Variants in ASL observed in about 807,000 individuals in gnomAD.
ASL encodes argininosuccinase.
ASL carries 51 observed loss-of-function variants against 69.1 expected under a neutral mutation model. The observed-to-expected ratio is 0.74, with a 90% CI of 0.59 to 0.93. ASL has a LOEUF of 0.93. ASL is among the 40% of genes least tolerant of loss of function. The pLI is 0.00. For missense variants in ASL, 540 were observed against 623.9 expected, an observed-to-expected ratio of 0.87 and a Z score of 1.43; for synonymous variants, 241 against 247.6, an observed-to-expected ratio of 0.97 and a Z score of 0.25.
chr7:66,091,703 C>G (rs1786847436), intron 14 of ASL: 3 of 414,374 alleles, frequency 7.2e-6, no homozygotes, highest in Admixed American at 3.5e-5. Context: ...GACAACAGAG[C>G]AAGACCCTGT....
chr7:66,088,850 C>A lies in ASL; in HGVS notation c.762C>A (p.Ser254Arg), dbSNP rs869312991. 1 of 1,614,066 alleles carries A rather than the reference C, an allele frequency of 6.2e-7. No individual in the cohort carries two copies. Among genetic ancestry groups the A allele is most frequent in the Non-Finnish European group, 8.5e-7 (1 of 1,180,010 alleles). Residue 254 changes from serine to arginine, a missense_variant, in exon 11 of 17, where the codon AGC (serine) becomes AGA (arginine). Transcript: ENST00000304874. ...FWASLCMTHL[S>R]RMAEDLILYC... ...CTTCGCTGTGCATGACCCATCTCAG[C>A]AGGATGGCCGAGGACCTCATCCTCT...
chr7:66,087,474 G>T lies in ASL; in HGVS notation c.655+88G>T. On this transcript the variant is annotated intron_variant, in intron 9 of 16. Coordinates refer to ENST00000304874, the MANE Select transcript of ASL (RefSeq NM_000048.4). ...ACACACCTGAAACCAGAGGGCAGGG[G>T]CCTGTGGCTCCTGGTGAAACCTTCA... The T allele has an allele frequency of 4.0e-6, 6 of 1,488,134 alleles. No homozygotes were observed. The South Asian group carries it at 4.6e-5, about 11-fold the overall frequency. 92.2% of individuals were successfully genotyped at this position (1,488,134 alleles called of 1,614,324 possible). A position where few individuals can be genotyped will look rare whatever the true frequency, so the allele number is the denominator to read the frequency against.
In ASL at chr7:66,076,099, T is replaced by A. The variant is rs1374337911; in HGVS notation, c.12+6T>A. ...CGCCCAACATGGCCTCGGAGGTGAG[T>A]GGGACCTCGGGGACTCCGGTCCTCC... On this transcript the variant is annotated splice_donor_region_variant and intron_variant, in intron 2 of 16. Transcript: ENST00000304874. The A allele has an allele frequency of 6.3e-7, 1 of 1,597,166 alleles. No homozygotes were observed. The highest frequency in any genetic ancestry group is 1.1e-5 in the South Asian group (1 of 88,160).
rs1786909106 is a variant in ASL, at chr7:66,093,363, G to A, written c.*451G>A. Reference sequence around the variant, plus strand: ...AATAAATGGAAGCGGAGAAAACTGGGCAAGGGCAATGAGAGTCGTAGACGG... The same window carrying A: ...AATAAATGGAAGCGGAGAAAACTGGACAAGGGCAATGAGAGTCGTAGACGG... On this transcript the variant is annotated 3_prime_UTR_variant, in exon 17 of 17. Coordinates refer to ENST00000304874, the MANE Select transcript of ASL (RefSeq NM_000048.4). The A allele has an allele frequency of 6.9e-6, 2 of 291,136 alleles. No individual in the cohort carries two copies. Among genetic ancestry groups the A allele is most frequent in the Non-Finnish European group, 6.8e-6 (1 of 147,748 alleles). 18.0% of individuals were successfully genotyped at this position (291,136 alleles called of 1,614,324 possible).
rs1042626726 is a variant in ASL at position 66,083,275 on chromosome 7, C to T, written c.446+101C>T. 4.5e-6 allele frequency: 6 copies of T among 1,319,760 alleles called. No individual in the cohort carries two copies. In the East Asian group the frequency reaches 1.5e-4, roughly 33 times the overall value. 81.8% of individuals were successfully genotyped at this position (1,319,760 alleles called of 1,614,324 possible). Reference sequence around the variant, plus strand: ...GTGAACAGCGTGGGGGTGCCAGGCCCTGGGGGACAGGGGCATCCCAGAACT... The same window carrying T: ...GTGAACAGCGTGGGGGTGCCAGGCCTTGGGGGACAGGGGCATCCCAGAACT... On this transcript the variant is annotated intron_variant, in intron 6 of 16. Coordinates refer to ENST00000304874, the MANE Select transcript of ASL (RefSeq NM_000048.4).
chr7:66,082,273 G>C, intron 3 of ASL, 95 bp from the exon 4 acceptor site: 7 of 1,331,322 alleles, frequency 5.3e-6, no homozygotes, highest in Non-Finnish European at 7.4e-6. Flanking sequence ...GGCAGGGACA[G>C]TCAGTCACCA....
chr7:66,088,980 C>T lies in ASL; in HGVS notation c.833+59C>T. 4 of 1,606,728 alleles carry T rather than the reference C, an allele frequency of 2.5e-6. No homozygotes were observed. The South Asian group carries it at 3.3e-5, about 13-fold the overall frequency. On this transcript the variant is annotated intron_variant, in intron 11 of 16. Coordinates refer to ENST00000304874, the MANE Select transcript of ASL (RefSeq NM_000048.4). ...GCCGGCCTCTGTATCCCCCGCCGCC[C>T]GCGGACGTGGCTGCCTTCCTCCCCG...
At position 66,093,159 on chromosome 7, in the gene ASL, A is replaced by C; in HGVS notation, c.*247A>C. On this transcript the variant is annotated 3_prime_UTR_variant, in exon 17 of 17. Coordinates refer to ENST00000304874, the MANE Select transcript of ASL (RefSeq NM_000048.4). ...GGGAGACCCCCATCTCTACTCAATA[A>C]TAAAACAAATAGCCTGGCGTGGTGG... The C allele has an allele frequency of 3.4e-6, 2 of 590,244 alleles. No individual in the cohort carries two copies. Among genetic ancestry groups the C allele is most frequent in the East Asian group, 3.0e-5 (1 of 33,368 alleles). The allele number at this position is 590,244 out of a possible 1,614,324, so 36.6% of individuals were successfully genotyped here. A position where few individuals can be genotyped will look rare whatever the true frequency, so the allele number is the denominator to read the frequency against.
chr7:66,084,291 C>G (rs1047119147), intron 6 of ASL, among the ~76,000 whole-genome samples: 8 of 151,732 alleles, frequency 5.3e-5, no homozygotes, highest in African/African-American at 1.9e-4. Flanking sequence ...TCCCAAGTAG[C>G]TGAGATTACA....
At chr7:66,087,160 A>G (rs1786688615) in intron 8 of ASL, 174 bp from the exon 9 acceptor site, 2 of 741,300 alleles carry the variant, frequency 2.7e-6, no homozygotes, top group African/African-American at 1.7e-5. Context: ...AGTATTCTGT[A>G]CCCAAGGAGA....
intron 3 of ASL, 113 bp from the exon 4 acceptor site, chr7:66,082,255 A>G: frequency 8.2e-7 from 1 of 1,223,062 alleles, no homozygotes; most frequent in Non-Finnish European, 1.2e-6. Flanking sequence ...TCCAGGACTC[A>G]GCTCCTGGGC....
At chr7:66,082,859 T>C in intron 4 of ASL, 21 bp from the exon 5 acceptor site, 10 of 1,613,374 alleles carry the variant, frequency 6.2e-6, no homozygotes, top group Non-Finnish European at 8.5e-6. Context: ...ACCGTGACCC[T>C]GGGTCTCCCT....
At position 66,077,163 on chromosome 7, in the gene ASL, C is replaced by A. The variant is rs1786370630; in HGVS notation, c.12+1070C>A. Among the ~76,000 whole-genome samples the A allele has an allele frequency of 2.0e-5, 3 of 152,196 alleles. No homozygotes were observed. The South Asian group carries it at 6.2e-4, about 32-fold the overall frequency. ...GTGCTCAATAAATGGTGGCTAACCA[C>A]AACAATACTGATATTTCTACTTTGG... On this transcript the variant is annotated intron_variant, in intron 2 of 16. Transcript: ENST00000304874.
rs375719771 is a variant in ASL at position 66,087,722 on chromosome 7, C to G, written c.656-7C>G. 1.2e-6 allele frequency: 2 copies of G among 1,614,054 alleles called. No individual in the cohort carries two copies. Among genetic ancestry groups the G allele is most frequent in the Non-Finnish European group, 1.7e-6 (2 of 1,180,000 alleles). ...CAGCTTAGCCCTGCTTCCTCCCACC[C>G]CCCCAGAACTCAACTTTGGGGCCAT... is the stretch of plus-strand genomic sequence containing the variant. On this transcript the variant is annotated splice_region_variant and splice_polypyrimidine_tract_variant and intron_variant, in intron 9 of 16. Coordinates refer to ENST00000304874, the MANE Select transcript of ASL (RefSeq NM_000048.4).
Position 66,086,798 on chromosome 7 carries a change from G to A in ASL, c.579G>A (p.Arg193=). 1.9e-6 allele frequency: 3 copies of A among 1,587,152 alleles called. No homozygotes were observed. The highest frequency in any genetic ancestry group is 2.6e-6 in the Non-Finnish European group (3 of 1,167,392). Reference sequence around the variant, plus strand: ...AGCGGCTGCTGGAGGTGCGGAAGCGGATCAATGTCCTGCCCCTGGGGAGGT... The same window carrying A: ...AGCGGCTGCTGGAGGTGCGGAAGCGAATCAATGTCCTGCCCCTGGGGAGGT... ...DSERLLEVRK[R]INVLPLGSGA... Residue 193 remains arginine (R), a synonymous_variant, in exon 8 of 17, where the codon CGG becomes CGA. Coordinates refer to ENST00000304874, the MANE Select transcript of ASL (RefSeq NM_000048.4).
chr7:66,082,041 G>A, intron 3 of ASL, 44 bp downstream of exon 3: 7 of 1,563,382 alleles, frequency 4.5e-6, no homozygotes, highest in Non-Finnish European at 6.1e-6. Context: ...CCTTCCCTGT[G>A]GCCCCAGGCT....
intron 6 of ASL, among the ~76,000 whole-genome samples, chr7:66,084,720 C>T (rs563262416): frequency 2.1e-4 from 32 of 151,984 alleles, no homozygotes; most frequent in Admixed American, 6.6e-4. Context: ...CCCAGGTTCA[C>T]GCCATTCTCC....
chr7:66,080,120 C>T (rs1184061950), intron 2 of ASL, among the ~76,000 whole-genome samples: 1 of 151,794 alleles, frequency 6.6e-6, no homozygotes, highest in Non-Finnish European at 1.5e-5. Context: ...TGGTGGCTCA[C>T]ACCCGTAATC....
At chr7:66,082,089 A>G (rs1027854321) in intron 3 of ASL, 92 bp downstream of exon 3, 1 of 1,470,968 alleles carries the variant, frequency 6.8e-7, no homozygotes, top group Non-Finnish European at 9.3e-7. Flanking sequence ...AGTGTTGCCC[A>G]TCTGTGGTTT....
Sources: allele counts gnomAD v4.1 joint callset (sites outside exome capture counted in the v4.1 genomes callset), GRCh38; gene constraint gnomAD v4.1.1; transcripts MANE v1.5; gene names NCBI Gene and HGNC (gene_info 2026-07-23, HGNC 2026-07-21).